LINGO2: variants seen among roughly 807,000 people sequenced by gnomAD.
LINGO2 encodes the protein leucine-rich repeat and immunoglobulin-like domain-containing nogo receptor-interacting protein 2.
Under a neutral mutation model 30.6 loss-of-function variants are expected in LINGO2, and 14 were observed. The ratio of observed to expected loss-of-function variants is 0.46; its 90% CI spans 0.30 to 0.72. LINGO2 has a LOEUF of 0.72. LINGO2 is among the 30% of genes least tolerant of loss of function. LINGO2 has a pLI of 0.07. For missense variants in LINGO2, 729 were observed against 751.7 expected, an observed-to-expected ratio of 0.97 and a Z score of 0.35; for synonymous variants, 317 against 288.5, an observed-to-expected ratio of 1.10 and a Z score of -1.00.
chr9:28,318,440 TTAG>T, intron 3 of LINGO2, among the ~76,000 whole-genome samples: 2 of 152,204 alleles, frequency 1.3e-5, no homozygotes, highest in South Asian at 2.1e-4. Flanking sequence ...TGTGTTCATC[TTAG>T]TAGAACCTCA....
intron 3 of LINGO2, among the ~76,000 whole-genome samples, chr9:28,310,891 A>C (rs983155777): frequency 1.3e-5 from 2 of 152,194 alleles, no homozygotes; most frequent in African/African-American, 4.8e-5. Flanking sequence ...ACAGAAACTC[A>C]CATCATTCTT....
chr9:29,109,404 T>G, the LINGO2 span, among the ~76,000 whole-genome samples: 1 of 149,312 alleles, frequency 6.7e-6, no homozygotes, highest in Admixed American at 6.8e-5. Flanking sequence ...ATAAATGCAA[T>G]GTATACTTAT....
intron 1 of LINGO2, among the ~76,000 whole-genome samples, chr9:28,554,194 A>G (rs1822498665): frequency 6.6e-6 from 1 of 151,750 alleles, no homozygotes; most frequent in Non-Finnish European, 1.5e-5. Context: ...ATTAAAAGAC[A>G]CAGACTGGCA....
chr9:28,041,807 TTTATAG>T (rs1824207904), intron 4 of LINGO2, among the ~76,000 whole-genome samples: 1 of 152,302 alleles, frequency 6.6e-6, no homozygotes, highest in African/African-American at 2.4e-5. Context: ...AACATACAAA[TTTATAG>T]TTATAATTAT....
At chr9:28,875,785 C>G in the LINGO2 span, among the ~76,000 whole-genome samples, 7 of 152,078 alleles carry the variant, frequency 4.6e-5, no homozygotes, top group South Asian at 1.5e-3. Context: ...ATTGACTTTA[C>G]TAACTTTTAA....
chr9:28,656,703 A>G (rs892918092), intron 1 of LINGO2, among the ~76,000 whole-genome samples: 2 of 152,074 alleles, frequency 1.3e-5, no homozygotes, highest in African/African-American at 4.8e-5. Flanking sequence ...GGAAAATTTG[A>G]AAAAATGTCT....
chr9:29,013,786 T>C, the LINGO2 span, among the ~76,000 whole-genome samples: 1 of 152,186 alleles, frequency 6.6e-6, no homozygotes, highest in African/African-American at 2.4e-5. Context: ...TTCAACATCT[T>C]ATATGGATGC....
the LINGO2 span, among the ~76,000 whole-genome samples, chr9:28,997,680 G>C: frequency 6.6e-6 from 1 of 152,098 alleles, no homozygotes; most frequent in East Asian, 1.9e-4. Flanking sequence ...CAAATTAGCT[G>C]GGCATGGTAG....
rs138239692 is a variant in LINGO2, at chr9:28,064,319, C to T, written c.-86-51914G>A. Among the ~76,000 whole-genome samples the T allele has an allele frequency of 1.0e-3, 159 of 152,272 alleles. 1 individual carries two copies. The East Asian group carries it at 0.027, about 26-fold the overall frequency. ...TACCCATTCAACCTGGGGCAGGAATCATCTTCTGCAGTAAAACAGGGCTGC... is the reference window on the plus strand; with the variant it reads ...TACCCATTCAACCTGGGGCAGGAATTATCTTCTGCAGTAAAACAGGGCTGC... On this transcript the variant is annotated intron_variant, in intron 4 of 5. Coordinates refer to ENST00000379992, the Ensembl canonical transcript of LINGO2.
At chr9:29,079,744 C>T in the LINGO2 span, among the ~76,000 whole-genome samples, 102 of 151,708 alleles carry the variant, frequency 6.7e-4, 1 homozygote, top group Non-Finnish European at 6.0e-4. Flanking sequence ...AATGAAAGGA[C>T]ATATGGTCCT....
intron 2 of LINGO2, among the ~76,000 whole-genome samples, chr9:28,378,810 T>G (rs149339751): frequency 6.6e-6 from 1 of 152,270 alleles, no homozygotes; most frequent in Non-Finnish European, 1.5e-5. Flanking sequence ...TGACTTATAA[T>G]GCAAGTACAC....
intron 5 of LINGO2, among the ~76,000 whole-genome samples, chr9:27,998,552 G>A (rs1019366875): frequency 6.6e-6 from 1 of 152,188 alleles, no homozygotes; most frequent in South Asian, 2.1e-4. Flanking sequence ...GCCAAGGCAG[G>A]CAGATCACCT....
At chr9:28,060,987 G>A (rs551169670) in intron 4 of LINGO2, among the ~76,000 whole-genome samples, 60 of 151,964 alleles carry the variant, frequency 3.9e-4, no homozygotes, top group African/African-American at 1.4e-3. Context: ...TTTTAGAGAG[G>A]CTTTTCTTCC....
At chr9:28,286,911 CACAAGTTT>C (rs1823530028) in intron 4 of LINGO2, among the ~76,000 whole-genome samples, 1 of 152,124 alleles carries the variant, frequency 6.6e-6, no homozygotes, top group Non-Finnish European at 1.5e-5. Flanking sequence ...GCCCCCATGA[CACAAGTTT>C]ACCTGTGTAA....
chr9:27,946,971 T>C (rs1018090417), downstream of LINGO2, among the ~76,000 whole-genome samples: 18 of 152,092 alleles, frequency 1.2e-4, no homozygotes, highest in Admixed American at 3.3e-4. Context: ...AAATTTCAAA[T>C]TTTCAAATTT....
the LINGO2 span, among the ~76,000 whole-genome samples, chr9:29,155,710 C>G: frequency 1.3e-5 from 2 of 151,780 alleles, no homozygotes; most frequent in African/African-American, 4.8e-5. Context: ...ACAAAATTAG[C>G]TTTTATAAAA....
intron 4 of LINGO2, among the ~76,000 whole-genome samples, chr9:28,051,810 A>G (rs1824687526): frequency 6.6e-6 from 1 of 152,082 alleles, no homozygotes; most frequent in East Asian, 1.9e-4. Context: ...TCAAGAATAG[A>G]AGGAACACCT....
At chr9:28,051,647 G>A (rs1436912807) in intron 4 of LINGO2, among the ~76,000 whole-genome samples, 1 of 152,018 alleles carries the variant, frequency 6.6e-6, no homozygotes, top group African/African-American at 2.4e-5. Context: ...GAGATTTCAT[G>A]AGATTTCAAA....
At chr9:28,861,879 AG>A in the LINGO2 span, among the ~76,000 whole-genome samples, 1 of 152,162 alleles carries the variant, frequency 6.6e-6, no homozygotes, top group Admixed American at 6.6e-5. Flanking sequence ...GATTAAAATT[AG>A]GATACAAGGA....
Sources: allele counts gnomAD v4.1 joint callset (sites outside exome capture counted in the v4.1 genomes callset), GRCh38; gene constraint gnomAD v4.1.1; transcripts MANE v1.5; gene names NCBI Gene and HGNC (gene_info 2026-07-23, HGNC 2026-07-21).